Variants in ADGRL3 observed in about 807,000 individuals in gnomAD.
ADGRL3 encodes the protein adhesion G protein-coupled receptor L3.
Under a neutral mutation model 153.5 loss-of-function variants are expected in ADGRL3, and 62 were observed. That is an observed-to-expected ratio of 0.40 (90% CI 0.33 to 0.50). ADGRL3 has a LOEUF of 0.50. ADGRL3 is among the 20% of genes least tolerant of loss of function. The pLI, the probability that ADGRL3 is intolerant of heterozygous loss-of-function variation, is 0.47. For missense variants in ADGRL3, 1,641 were observed against 1,859.4 expected, an observed-to-expected ratio of 0.88 and a Z score of 2.16; for synonymous variants, 710 against 672.5, an observed-to-expected ratio of 1.06 and a Z score of -0.86.
Position 61,638,359 on chromosome 4 carries a change from G to A in ADGRL3, c.474-38467G>A, listed in dbSNP as rs76376505. On this transcript the variant is annotated intron_variant, in intron 5 of 26. Transcript: ENST00000683033. ...GTTGTTTTTGGGGGCCAGTTGAGTG[G>A]GGGTTCAGTGAAAGAGAGTATGAAG... 6.9e-3 allele frequency among the ~76,000 whole-genome samples: 1,050 copies of A among 152,184 alleles called. 15 individuals carry two copies. Among genetic ancestry groups the A allele is most frequent in the African/African-American group, 0.024 (997 of 41,524 alleles).
intron 12 of ADGRL3, among the ~76,000 whole-genome samples, chr4:61,909,956 G>T (rs1455723979): frequency 6.6e-6 from 1 of 151,962 alleles, no homozygotes; most frequent in Admixed American, 6.6e-5. Context: ...AATGATAAAT[G>T]ATAATCTCTC....
rs1466803143 is a variant in ADGRL3 at position 62,075,401 on chromosome 4, T to A, written c.*4493T>A. ...ACCAACACTACAGAAGTATAATGCA[T>A]GTCAATTCAGATTTAGAGAGTGTAA... On this transcript the variant is annotated 3_prime_UTR_variant, in exon 27 of 27. Coordinates refer to ENST00000683033, the MANE Select transcript of ADGRL3 (RefSeq NM_001387552.1). 1 of 152,124 alleles carries A rather than the reference T, an allele frequency of 6.6e-6. No homozygotes were observed. The highest frequency in any genetic ancestry group is 1.5e-5 in the Non-Finnish European group (1 of 68,022). The allele number at this position is 152,124 out of a possible 1,614,324, so 9.4% of individuals were successfully genotyped here.
intron 5 of ADGRL3, among the ~76,000 whole-genome samples, chr4:61,601,126 C>CT (rs2099009875): frequency 6.6e-6 from 1 of 151,950 alleles, no homozygotes; most frequent in African/African-American, 2.4e-5. Context: ...AATGTTGTTA[C>CT]TTTTTTACTT....
At chr4:62,003,228 T>A (rs2099146541) in intron 21 of ADGRL3, among the ~76,000 whole-genome samples, 1 of 152,160 alleles carries the variant, frequency 6.6e-6, no homozygotes, top group South Asian at 2.1e-4. Context: ...AGACTTATGA[T>A]GTCACCGGGT....
chr4:61,605,202 G>A (rs1010767397), intron 5 of ADGRL3, among the ~76,000 whole-genome samples: 70 of 150,780 alleles, frequency 4.6e-4, no homozygotes, highest in African/African-American at 1.7e-3. Flanking sequence ...AAAGTATCTT[G>A]CAACAAAATG....
intron 2 of ADGRL3, among the ~76,000 whole-genome samples, chr4:61,392,772 C>T (rs995448061): frequency 7.8e-6 from 1 of 128,156 alleles, no homozygotes; most frequent in Non-Finnish European, 1.7e-5. Flanking sequence ...TATATTCTAA[C>T]AAATTTGGTC....
chr4:62,001,619 A>G (rs2099140628), intron 21 of ADGRL3, among the ~76,000 whole-genome samples: 1 of 152,184 alleles, frequency 6.6e-6, no homozygotes, highest in Non-Finnish European at 1.5e-5. Flanking sequence ...AGGAGTTAAG[A>G]GGAGTAATAA....
Position 61,927,183 on chromosome 4 carries a change from G to A in ADGRL3, c.2113-7657G>A, listed in dbSNP as rs191626374. ...CCCAGTTGACTGCCACATTGAAGATGCTCAGTTAATATTTGTTGAATGAAT... is the reference window on the plus strand; with the variant it reads ...CCCAGTTGACTGCCACATTGAAGATACTCAGTTAATATTTGTTGAATGAAT... On this transcript the variant is annotated intron_variant, in intron 13 of 26. Coordinates refer to ENST00000683033, the MANE Select transcript of ADGRL3 (RefSeq NM_001387552.1). Among the ~76,000 whole-genome samples, 1,216 of 152,254 alleles carry A rather than the reference G, an allele frequency of 8.0e-3. 11 individuals are homozygous for A. Among genetic ancestry groups the A allele is most frequent in the Non-Finnish European group, 0.014 (930 of 68,020 alleles).
chr4:61,223,541 C>T (rs902887658), intron 1 of ADGRL3, among the ~76,000 whole-genome samples: 1 of 152,246 alleles, frequency 6.6e-6, no homozygotes, highest in East Asian at 1.9e-4. Context: ...TGGTGTGTGT[C>T]GGTCAAATGC....
At chr4:61,345,811 A>G (rs2095889268) in intron 1 of ADGRL3, among the ~76,000 whole-genome samples, 1 of 152,216 alleles carries the variant, frequency 6.6e-6, no homozygotes, top group Admixed American at 6.5e-5. Flanking sequence ...GTAGCAAAAT[A>G]TTTCATTTCA....
chr4:62,031,227 C>G (rs1432713733), intron 22 of ADGRL3, among the ~76,000 whole-genome samples: 1 of 151,550 alleles, frequency 6.6e-6, no homozygotes, highest in African/African-American at 2.4e-5. Context: ...AAATGAATTT[C>G]TGTGTTCATA....
intron 25 of ADGRL3, among the ~76,000 whole-genome samples, chr4:62,057,244 T>C (rs1288302698): frequency 2.0e-5 from 3 of 152,172 alleles, no homozygotes; most frequent in African/African-American, 7.2e-5. Context: ...AGTCCTCAGT[T>C]ACATATATTA....
At chr4:62,013,615 C>T (rs2099197361) in intron 21 of ADGRL3, among the ~76,000 whole-genome samples, 1 of 151,904 alleles carries the variant, frequency 6.6e-6, no homozygotes, top group African/African-American at 2.4e-5. Flanking sequence ...AACGGCCGGG[C>T]ATGGTGACTT....
chr4:61,460,925 C>T (rs2097804688), intron 2 of ADGRL3, among the ~76,000 whole-genome samples: 1 of 152,042 alleles, frequency 6.6e-6, no homozygotes, highest in African/African-American at 2.4e-5. Context: ...CAAAAATTAG[C>T]CAGGCGCGGT....
chr4:61,310,526 A>T (rs1042230803), intron 1 of ADGRL3, among the ~76,000 whole-genome samples: 6 of 152,132 alleles, frequency 3.9e-5, no homozygotes, highest in Admixed American at 6.6e-5. Context: ...ACACACAATT[A>T]TATCCTATGC....
chr4:61,214,034 C>T (rs191025995), intron 1 of ADGRL3, among the ~76,000 whole-genome samples: 1 of 152,252 alleles, frequency 6.6e-6, no homozygotes, highest in African/African-American at 2.4e-5. Flanking sequence ...GTGTATTGTT[C>T]ATAGCTACTA....
chr4:61,759,772 C>T (rs1217016798), intron 8 of ADGRL3, among the ~76,000 whole-genome samples: 1 of 152,150 alleles, frequency 6.6e-6, no homozygotes. Flanking sequence ...TCCAGTTTTT[C>T]TACTCTGTTT....
intron 9 of ADGRL3, among the ~76,000 whole-genome samples, chr4:61,867,449 G>A (rs1183619587): frequency 1.4e-5 from 2 of 147,656 alleles, no homozygotes. Flanking sequence ...GCAGCGCACC[G>A]AGATGGTGCC....
chr4:61,354,827 G>A (rs1364049851), intron 1 of ADGRL3, among the ~76,000 whole-genome samples: 1 of 152,012 alleles, frequency 6.6e-6, no homozygotes, highest in African/African-American at 2.4e-5. Flanking sequence ...AAAGCTTCTA[G>A]TGTTCACCTT....
Sources: gnomAD v4.1 joint callset for allele counts (sites outside exome capture counted in the v4.1 genomes callset) on GRCh38, gnomAD v4.1.1 for gene constraint, MANE v1.5 for transcripts, NCBI Gene and HGNC (gene_info 2026-07-23, HGNC 2026-07-21) for gene names.